Variants in SLF2 observed in about 807,000 individuals in gnomAD.
SLF2 encodes SMC5-SMC6 complex localization factor protein 2.
SLF2 carries 68 observed loss-of-function variants against 124.3 expected under a neutral mutation model. That is an observed-to-expected ratio of 0.55 (90% confidence interval 0.45 to 0.67). SLF2 has a LOEUF of 0.67. SLF2 is among the 30% of genes least tolerant of loss of function. The probability of loss-of-function intolerance (pLI) is 0.00; values close to 1 mark genes in which losing one functional copy is unlikely to be tolerated. For synonymous variants in SLF2, 480 were observed against 478.8 expected, an observed-to-expected ratio of 1.00 and a Z score of -0.03; for missense variants, 1,246 against 1,373.7, an observed-to-expected ratio of 0.91 and a Z score of 1.47.
chr10:100,924,431 C>T lies in SLF2; in HGVS notation c.1430C>T (p.Ser477Phe). The change falls in exon 5 of 20, where the codon TCC becomes TTC. Residue 477 changes from serine (S) to phenylalanine (F), a missense_variant. Coordinates refer to ENST00000238961, the MANE Select transcript of SLF2 (RefSeq NM_018121.4). Reference sequence around the variant, plus strand: ...AAGGAGACAAAACTACCTTTACTTTCCCGTGTTCCAAGTGCTGGTTCCTCT... The same window carrying T: ...AAGGAGACAAAACTACCTTTACTTTTCCGTGTTCCAAGTGCTGGTTCCTCT... ...KEKETKLPLL[S>F]RVPSAGSSLV... The T allele has an allele frequency of 6.2e-7, 1 of 1,614,194 alleles. No individual in the cohort carries two copies. The highest frequency in any genetic ancestry group is 8.5e-7 in the Non-Finnish European group (1 of 1,180,034).
intron 5 of SLF2, 63 bp downstream of exon 5, chr10:100,925,035 G>A (rs1234902918): frequency 1.9e-5 from 28 of 1,470,036 alleles, no homozygotes; most frequent in Non-Finnish European, 2.5e-5. Context: ...TAGTGAAAGG[G>A]GTGGATTATC....
At chr10:100,929,713 C>A in intron 7 of SLF2, 117 bp from the exon 8 acceptor site, 2 of 791,550 alleles carry the variant, frequency 2.5e-6, no homozygotes, top group Non-Finnish European at 1.9e-6. Context: ...TCATGCTAGT[C>A]TTCTAATTTG....
rs1203214516 is a variant in SLF2 at position 100,913,135 on chromosome 10, A to T, written c.25A>T (p.Arg9Trp). The change falls in exon 1 of 20, where the codon AGG becomes TGG. Residue 9 changes from arginine (R) to tryptophan (W), a missense_variant. Transcript: ENST00000238961. ...CATGACAAGGCGCTGCATGCCCGCT[A>T]GGCCAGGTTTCCCCTCATCCCCAGC... MTRRCMPA[R>W]PGFPSSPAPG... 2 of 1,612,622 alleles carry T rather than the reference A, an allele frequency of 1.2e-6. No homozygotes were observed. Among genetic ancestry groups the T allele is most frequent in the Non-Finnish European group, 8.5e-7 (1 of 1,179,466 alleles).
chr10:100,947,183 A>G (rs1850121166), intron 14 of SLF2, 47 bp downstream of exon 14: 3 of 1,092,660 alleles, frequency 2.7e-6, no homozygotes, highest in Non-Finnish European at 3.9e-6. Context: ...ATAATTTTAC[A>G]TTAATGAAAT....
chr10:100,944,235 C>T (rs1166315278), intron 12 of SLF2, 107 bp downstream of exon 12: 25 of 631,602 alleles, frequency 4.0e-5, no homozygotes, highest in South Asian at 3.7e-4. Flanking sequence ...GTGGCTCACG[C>T]CTGTAATCCC....
chr10:100,938,482 T>C (rs1001863552), intron 10 of SLF2, 113 bp from the exon 11 acceptor site: 1 of 1,021,324 alleles, frequency 9.8e-7, no homozygotes, highest in African/African-American at 1.6e-5. Flanking sequence ...TTAGCAGCTG[T>C]CATTTCTATA....
chr10:100,932,718 T>TGC (rs1216137746), intron 9 of SLF2, among the ~76,000 whole-genome samples: 38 of 21,166 alleles, frequency 1.8e-3, no homozygotes, highest in African/African-American at 2.7e-3. Context: ...TGTGTGTGTG[T>TGC]GTGCGCGCGC....
At position 100,947,855 on chromosome 10, in the gene SLF2, T is replaced by C. The variant is rs1589963001; in HGVS notation, c.3120+8T>C. 2 of 1,595,910 alleles carry C rather than the reference T, an allele frequency of 1.3e-6. No homozygotes were observed. Among genetic ancestry groups the C allele is most frequent in the East Asian group, 4.5e-5 (2 of 44,734 alleles). ...AATGCCAGTAATCTGCAGGTATAAA[T>C]AAATACATTTTTATTTTTAATAAAT... On this transcript the variant is annotated splice_region_variant and intron_variant, in intron 15 of 19. Transcript: ENST00000238961.
intron 18 of SLF2, among the ~76,000 whole-genome samples, chr10:100,958,270 G>T (rs1320474358): frequency 6.6e-6 from 1 of 152,118 alleles, no homozygotes; most frequent in Non-Finnish European, 1.5e-5. Context: ...TGCCCATTCA[G>T]ATTTAACATA....
At chr10:100,921,230 T>G (rs912048724) in intron 4 of SLF2, among the ~76,000 whole-genome samples, 4 of 152,172 alleles carry the variant, frequency 2.6e-5, no homozygotes, top group African/African-American at 9.7e-5. Context: ...ATTTTTCCTT[T>G]TTCTTGAGAT....
In SLF2 at chr10:100,962,597, C is replaced by T. The variant is rs1850443600; in HGVS notation, c.*685C>T. ...AAGAGGTTAAGCTGTAAAGTAGTGG[C>T]CCTGTTTTGATGCCAGAACATTCAT... is the stretch of plus-strand genomic sequence containing the variant. On this transcript the variant is annotated 3_prime_UTR_variant, in exon 20 of 20. Coordinates refer to ENST00000238961, the MANE Select transcript of SLF2 (RefSeq NM_018121.4). 1 of 152,488 alleles carries T rather than the reference C, an allele frequency of 6.6e-6. No individual in the cohort carries two copies. Among genetic ancestry groups the T allele is most frequent in the Admixed American group, 6.6e-5 (1 of 15,250 alleles). The allele number at this position is 152,488 out of a possible 1,614,324, so 9.4% of individuals were successfully genotyped here.
At position 100,927,014 on chromosome 10, in the gene SLF2, T is replaced by G. The variant is rs527882316; in HGVS notation, c.2042+995T>G. Among the ~76,000 whole-genome samples, 6 of 152,300 alleles carry G rather than the reference T, an allele frequency of 3.9e-5. No individual in the cohort carries two copies. In the East Asian group the frequency reaches 1.2e-3, roughly 29 times the overall value. ...CACTAACTAATAATATAAATTCCTT[T>G]CTGTTTATTACAACTAGTATCTGAT... On this transcript the variant is annotated intron_variant, in intron 6 of 19. Transcript: ENST00000238961.
At position 100,962,986 on chromosome 10, in the gene SLF2, T is replaced by A. The variant is rs1466900778; in HGVS notation, c.*1074T>A. 6.6e-6 allele frequency: 1 copy of A among 152,592 alleles called. No individual in the cohort carries two copies. Among genetic ancestry groups the A allele is most frequent in the African/African-American group, 2.4e-5 (1 of 41,430 alleles). The allele number at this position is 152,592 out of a possible 1,614,324, so 9.5% of individuals were successfully genotyped here. A position where few individuals can be genotyped will look rare whatever the true frequency, so the allele number is the denominator to read the frequency against. ...GGTTAGTGGAAGTGCACACGTTGTTTTTAGCCCAGGGGTAGTAACAAACTC... is the reference window on the plus strand; with the variant it reads ...GGTTAGTGGAAGTGCACACGTTGTTATTAGCCCAGGGGTAGTAACAAACTC... On this transcript the variant is annotated 3_prime_UTR_variant, in exon 20 of 20. Coordinates refer to ENST00000238961, the MANE Select transcript of SLF2 (RefSeq NM_018121.4).
chr10:100,951,065 AC>A (rs1850203591), intron 17 of SLF2, among the ~76,000 whole-genome samples: 1 of 151,996 alleles, frequency 6.6e-6, no homozygotes. Flanking sequence ...ACATGGTGAA[AC>A]CCCATCTCTA....
intron 11 of SLF2, among the ~76,000 whole-genome samples, chr10:100,940,753 T>C: frequency 1.9e-5 from 2 of 106,648 alleles, no homozygotes; most frequent in Admixed American, 1.0e-4. Flanking sequence ...TTCCCCATCT[T>C]CCCCCACTTC....
Position 100,962,841 on chromosome 10 carries a change from A to ATGTGTGTG in SLF2, c.*950_*957dup, listed in dbSNP as rs34345512. 46 of 144,212 alleles carry ATGTGTGTG rather than the reference A, an allele frequency of 3.2e-4. No homozygotes were observed. Among genetic ancestry groups the ATGTGTGTG allele is most frequent in the African/African-American group, 1.1e-3 (45 of 39,276 alleles). 8.9% of individuals were successfully genotyped at this position (144,212 alleles called of 1,614,324 possible). On this transcript the variant is annotated 3_prime_UTR_variant, in exon 20 of 20. Transcript: ENST00000238961. ...ATTCTTTGGGACACTGTGTCTGTGT[A>ATGTGTGTG]TGTGTGTGTGTGTGTGTGTGTGTGT...
In SLF2 at chr10:100,917,105, A is replaced by G. The variant is rs140623866; in HGVS notation, c.720A>G (p.Leu240=). The G allele has an allele frequency of 1.9e-5, 30 of 1,614,206 alleles. No individual in the cohort carries two copies. In the African/African-American group the frequency reaches 3.2e-4, roughly 17 times the overall value. ...TGGGAGCTAAATTCCAGTTGTCACT[A>G]GCTTCTTACTGCAGAGAACGAGAAC... ...SPLGAKFQLS[L]ASYCRERELK... Residue 240 remains leucine (L), a synonymous_variant, in exon 3 of 20, where the codon CTA becomes CTG. Transcript: ENST00000238961.
Position 100,960,000 on chromosome 10 carries a change from G to T in SLF2, c.3486+504G>T, listed in dbSNP as rs58444516. On this transcript the variant is annotated intron_variant, in intron 19 of 19. Transcript: ENST00000238961. ...CTAGGCAAACACTAATCTACTTTCT[G>T]TCCCTATACATTTCCCTATTCTGGA... is the stretch of plus-strand genomic sequence containing the variant. Among the ~76,000 whole-genome samples, 409 of 152,160 alleles carry T rather than the reference G, an allele frequency of 2.7e-3. 9 individuals are homozygous for T. The East Asian group carries it at 0.056, about 21-fold the overall frequency.
chr10:100,947,200 G>C (rs1409961508), intron 14 of SLF2, 64 bp downstream of exon 14: 1 of 952,172 alleles, frequency 1.1e-6, no homozygotes, highest in Non-Finnish European at 1.5e-6. Flanking sequence ...AAATGCCTTG[G>C]GTTGTTTATT....
Sources: gnomAD v4.1 joint callset for allele counts (sites outside exome capture counted in the v4.1 genomes callset) on GRCh38, gnomAD v4.1.1 for gene constraint, MANE v1.5 for transcripts, NCBI Gene and HGNC (gene_info 2026-07-23, HGNC 2026-07-21) for gene names.